The following PIK3C2G variants were observed in gnomAD, a reference collection of about 807,000 sequenced individuals.
The protein encoded by PIK3C2G is phosphatidylinositol-4-phosphate 3-kinase catalytic subunit type 2 gamma.
Under a neutral mutation model 181.1 loss-of-function variants are expected in PIK3C2G, and 168 were observed. The ratio of observed to expected loss-of-function variants is 0.93; its 90% CI spans 0.82 to 1.05. The LOEUF (loss-of-function observed/expected upper bound fraction) is 1.05, where lower values mean the gene tolerates loss of function less well. PIK3C2G is among the 50% of genes least tolerant of loss of function. The pLI is 0.00. For missense variants in PIK3C2G, 1,869 were observed against 1,732.8 expected (o/e 1.08, Z -1.40); for synonymous variants, 573 against 592.2 (o/e 0.97, Z 0.47).
the PIK3C2G span, among the ~76,000 whole-genome samples, chr12:18,671,268 A>G: frequency 6.6e-6 from 1 of 152,112 alleles, no homozygotes; most frequent in African/African-American, 2.4e-5. Context: ...TAAATAGTGT[A>G]TGTAAAAACA....
intron 11 of PIK3C2G, among the ~76,000 whole-genome samples, chr12:18,350,278 A>T (rs1307263045): frequency 6.6e-6 from 1 of 152,148 alleles, no homozygotes; most frequent in African/African-American, 2.4e-5. Flanking sequence ...TGAGGAGATT[A>T]TAAGTAAGTC....
At chr12:18,461,172 G>A (rs115525806) in intron 18 of PIK3C2G, among the ~76,000 whole-genome samples, 1,551 of 152,190 alleles carry the variant, frequency 0.01, 28 homozygotes, top group African/African-American at 0.036. Flanking sequence ...AAAAAATACA[G>A]CCTACCTTCA....
At chr12:18,373,751 G>T (rs907723909) in intron 13 of PIK3C2G, among the ~76,000 whole-genome samples, 7 of 152,056 alleles carry the variant, frequency 4.6e-5, no homozygotes, top group Non-Finnish European at 7.4e-5. Flanking sequence ...TACTCGGGAG[G>T]CTGAGGCAGG....
At chr12:18,710,989 A>T in the PIK3C2G span, among the ~76,000 whole-genome samples, 3 of 152,046 alleles carry the variant, frequency 2.0e-5, no homozygotes, top group African/African-American at 2.4e-5. Flanking sequence ...TTCCTCAGGG[A>T]TCTAGAACTA....
chr12:18,246,998 T>C (rs1359616308), upstream of PIK3C2G, among the ~76,000 whole-genome samples: 1 of 135,090 alleles, frequency 7.4e-6, no homozygotes, highest in Non-Finnish European at 1.6e-5. Flanking sequence ...AATGGTCTCA[T>C]GAAGGAAAAT....
At chr12:18,719,440 C>A in the PIK3C2G span, 1 of 1,501,490 alleles carries the variant, frequency 6.7e-7, no homozygotes. Flanking sequence ...CCTTACATAT[C>A]CCCAAAGGTC....
Position 18,290,257 on chromosome 12 carries a change from C to G in PIK3C2G, c.762-598C>G, listed in dbSNP as rs1284182541. ...CAAGGCTTCTGGCTCCAAGGATAAA[C>G]TGTTTTTGCAATTCTTTGACTCATT... On this transcript the variant is annotated intron_variant, in intron 3 of 32. Coordinates refer to ENST00000538779, the MANE Select transcript of PIK3C2G (RefSeq NM_001288772.2). Among the ~76,000 whole-genome samples the G allele has an allele frequency of 3.9e-5, 6 of 152,204 alleles. No individual in the cohort carries two copies. The East Asian group carries it at 9.7e-4, about 25-fold the overall frequency.
At chr12:18,703,832 A>G in the PIK3C2G span, among the ~76,000 whole-genome samples, 2 of 152,206 alleles carry the variant, frequency 1.3e-5, no homozygotes, top group Non-Finnish European at 2.9e-5. Flanking sequence ...CTTCTAACTG[A>G]ATCCCAAGCC....
chr12:18,693,979 A>C, the PIK3C2G span: 1 of 1,505,462 alleles, frequency 6.6e-7, no homozygotes, highest in East Asian at 2.3e-5. Context: ...TCTGTACAGA[A>C]GCTGGTCTGA....
intron 21 of PIK3C2G, among the ~76,000 whole-genome samples, chr12:18,497,056 ACTTTATCATTT>A (rs372744259): frequency 7.0e-4 from 107 of 152,254 alleles, no homozygotes; most frequent in African/African-American, 2.6e-3. Flanking sequence ...GACTATCACC[ACTTTATCATTT>A]CTTATTATCA....
intron 30 of PIK3C2G, among the ~76,000 whole-genome samples, chr12:18,602,160 G>T (rs575602922): frequency 2.0e-5 from 3 of 151,986 alleles, no homozygotes; most frequent in African/African-American, 7.3e-5. Flanking sequence ...AGCCTGACTC[G>T]CCCTCCACCT....
the PIK3C2G span, among the ~76,000 whole-genome samples, chr12:18,689,361 G>A: frequency 1.1e-4 from 17 of 152,208 alleles, no homozygotes; most frequent in East Asian, 1.9e-4. Flanking sequence ...TCCAACCTGC[G>A]GGCCACATGT....
chr12:18,522,928 T>C (rs1041267248), intron 24 of PIK3C2G, among the ~76,000 whole-genome samples: 9 of 152,102 alleles, frequency 5.9e-5, no homozygotes, highest in African/African-American at 2.2e-4. Context: ...TCATTCTTTT[T>C]CATTATGTTT....
At chr12:18,517,709 T>C (rs745484953) in intron 24 of PIK3C2G, among the ~76,000 whole-genome samples, 4 of 152,194 alleles carry the variant, frequency 2.6e-5, no homozygotes, top group Non-Finnish European at 5.9e-5. Flanking sequence ...CTCTTCCTAT[T>C]TGAATACTCT....
chr12:18,527,160 C>A (rs1172716825), intron 24 of PIK3C2G, among the ~76,000 whole-genome samples: 2 of 152,110 alleles, frequency 1.3e-5, no homozygotes, highest in Non-Finnish European at 2.9e-5. Flanking sequence ...AGATGGAAGG[C>A]ATGAATGCTG....
chr12:18,431,436 T>C (rs1432556255), intron 18 of PIK3C2G, among the ~76,000 whole-genome samples: 1 of 152,198 alleles, frequency 6.6e-6, no homozygotes, highest in African/African-American at 2.4e-5. Flanking sequence ...TTTACAGTTT[T>C]GCCTATGACC....
upstream of PIK3C2G, among the ~76,000 whole-genome samples, chr12:18,247,335 A>C (rs113538492): frequency 0.084 from 12,756 of 152,286 alleles, 664 homozygotes; most frequent in South Asian, 0.12. Flanking sequence ...GTCACTGATG[A>C]AACAGCTACG....
chr12:18,531,892 A>G (rs1174116482), intron 24 of PIK3C2G, among the ~76,000 whole-genome samples: 1 of 152,160 alleles, frequency 6.6e-6, no homozygotes, highest in Non-Finnish European at 1.5e-5. Context: ...TAAATGTCCA[A>G]AAGTATAATT....
At position 18,292,219 on chromosome 12, in the gene PIK3C2G, A is replaced by C. The variant is rs1167782653; in HGVS notation, c.919+1207A>C. Among the ~76,000 whole-genome samples, 54 of 86,004 alleles carry C rather than the reference A, an allele frequency of 6.3e-4. 1 individual carries two copies. The highest frequency in any genetic ancestry group is 2.9e-3 in the African/African-American group (52 of 17,634). 56.4% of individuals were successfully genotyped at this position (86,004 alleles called of 152,430 possible). On this transcript the variant is annotated intron_variant, in intron 4 of 32. Coordinates refer to ENST00000538779, the MANE Select transcript of PIK3C2G (RefSeq NM_001288772.2). ...GAGCAAAACTCCATCTCAAAAAAAAAAAAAAAAAATATATATATATATATA... is the reference window on the plus strand; with the variant it reads ...GAGCAAAACTCCATCTCAAAAAAAACAAAAAAAAATATATATATATATATA...
Sources: gnomAD v4.1 joint callset for allele counts (sites outside exome capture counted in the v4.1 genomes callset) on GRCh38, gnomAD v4.1.1 for gene constraint, MANE v1.5 for transcripts, NCBI Gene and HGNC (gene_info 2026-07-23, HGNC 2026-07-21) for gene names.